Variants in FGF13 observed in about 807,000 individuals in gnomAD.
FGF13 encodes the protein fibroblast growth factor 13, also known as fibroblast growth factor homologous factor 2.
FGF13 carries 2 observed loss-of-function variants against 19.5 expected under a neutral mutation model. That is an observed-to-expected ratio of 0.10 (90% CI 0.04 to 0.32). FGF13 has a LOEUF of 0.32. FGF13 is among the 10% of genes least tolerant of loss of function. The pLI is 1.00. For missense variants in FGF13, 113 were observed against 192.7 expected (o/e 0.59, Z 2.45); for synonymous variants, 72 against 76.9 (o/e 0.94, Z 0.33).
At chrX:139,157,060 G>A (rs1468333347) in intron 1 of FGF13, among the ~76,000 whole-genome samples, 3 of 111,606 alleles carry the variant, frequency 2.7e-5, no homozygotes, top group African/African-American at 9.8e-5. Context: ...GACATTTGCT[G>A]AGCATCTACC....
chrX:138,789,748 T>C (rs1306644630), intron 3 of FGF13, among the ~76,000 whole-genome samples: 1 of 108,888 alleles, frequency 9.2e-6, no homozygotes. Flanking sequence ...GGAGTGGCCT[T>C]AAAAAACAAA....
At chrX:138,950,829 G>C (rs1358878932) in intron 1 of FGF13, among the ~76,000 whole-genome samples, 1 of 110,581 alleles carries the variant, frequency 9.0e-6, no homozygotes, top group East Asian at 2.9e-4. Context: ...CTTCTTAATG[G>C]GTCATCTCTA....
At chrX:138,633,017 C>T in intron 4 of FGF13, 31 bp from the exon 5 acceptor site, 1 of 1,188,114 alleles carries the variant, frequency 8.4e-7, no homozygotes, top group East Asian at 3.0e-5. Context: ...GTGTAAAAGG[C>T]CTTCAAATGG....
At chrX:138,974,900 CT>C (rs1207929814) in intron 1 of FGF13, among the ~76,000 whole-genome samples, 1 of 112,362 alleles carries the variant, frequency 8.9e-6, no homozygotes, top group Non-Finnish European at 1.9e-5. Flanking sequence ...CAATCAAGTG[CT>C]GTAATTACAG....
intron 1 of FGF13, among the ~76,000 whole-genome samples, chrX:139,053,970 T>G (rs2092311480): frequency 9.0e-6 from 1 of 110,653 alleles, no homozygotes; most frequent in Non-Finnish European, 1.9e-5. Flanking sequence ...TTCTCCTACA[T>G]GTGGCCAGCC....
chrX:138,991,414 C>G (rs2092015260), intron 1 of FGF13, among the ~76,000 whole-genome samples: 1 of 112,085 alleles, frequency 8.9e-6, no homozygotes, highest in Non-Finnish European at 1.9e-5. Context: ...GGTCAGGACC[C>G]TTTTCTTCCA....
intron 3 of FGF13, among the ~76,000 whole-genome samples, chrX:138,679,944 C>T (rs1000550551): frequency 6.2e-5 from 7 of 112,282 alleles, no homozygotes; most frequent in African/African-American, 2.3e-4. Flanking sequence ...TCCTCTCAAA[C>T]CCTGTATATG....
intron 1 of FGF13, among the ~76,000 whole-genome samples, chrX:138,929,926 T>A (rs1001724620): frequency 9.2e-6 from 1 of 109,251 alleles, no homozygotes; most frequent in African/African-American, 3.3e-5. Flanking sequence ...GATTATAAAA[T>A]CTTGGAAGGA....
intron 1 of FGF13, among the ~76,000 whole-genome samples, chrX:139,063,874 T>G (rs995317578): frequency 9.0e-6 from 1 of 111,656 alleles, no homozygotes; most frequent in African/African-American, 3.3e-5. Context: ...AACCATTTTG[T>G]TATTCAAATC....
rs749026690 is a variant in FGF13 at position 138,799,037 on chromosome X, G to A, written c.217+58475C>T. 2.1e-3 allele frequency among the ~76,000 whole-genome samples: 232 copies of A among 111,454 alleles called. 1 individual carries two copies. The highest frequency in any genetic ancestry group is 7.3e-3 in the African/African-American group (225 of 30,657). On this transcript the variant is annotated intron_variant, in intron 3 of 6. Transcript: ENST00000436198. ...CTCCTGGATTCATTGATTTTTGAAG[G>A]GTTTTTTGTGTCTCTATCTCCTTCA...
chrX:139,149,834 A>G (rs958272738), intron 1 of FGF13, among the ~76,000 whole-genome samples: 1 of 112,018 alleles, frequency 8.9e-6, no homozygotes. Flanking sequence ...TATGATACTA[A>G]TCACTTGCTT....
intron 1 of FGF13, among the ~76,000 whole-genome samples, chrX:138,913,597 G>C (rs186089732): frequency 3.0e-4 from 30 of 101,123 alleles, no homozygotes; most frequent in Non-Finnish European, 5.7e-4. Context: ...GAAGAGAAGA[G>C]AAGAAAAAGA....
chrX:138,710,222 G>C (rs2090029323), intron 1 of FGF13, among the ~76,000 whole-genome samples: 1 of 109,857 alleles, frequency 9.1e-6, no homozygotes, highest in Non-Finnish European at 1.9e-5. Flanking sequence ...AAATCTCTCA[G>C]CTCTTTGCAA....
intron 1 of FGF13, among the ~76,000 whole-genome samples, chrX:139,144,329 A>T (rs2083869765): frequency 9.5e-6 from 1 of 105,335 alleles, no homozygotes; most frequent in Non-Finnish European, 1.9e-5. Flanking sequence ...GAAACCCTGG[A>T]GACAAGAAGT....
In FGF13 at chrX:138,952,354, C is replaced by A. The variant is rs761080798; in HGVS notation, c.-112-87704G>T. Reference sequence around the variant, plus strand: ...ATGATTCCCTATTTAATAAATGGTGCTGGGAAAACTGGCTAGCATATATAG... The same window carrying A: ...ATGATTCCCTATTTAATAAATGGTGATGGGAAAACTGGCTAGCATATATAG... On this transcript the variant is annotated intron_variant, in intron 1 of 2. Transcript: ENST00000421460. Among the ~76,000 whole-genome samples the A allele has an allele frequency of 4.5e-5, 5 of 111,925 alleles. No individual in the cohort carries two copies. In the South Asian group the frequency reaches 1.9e-3, roughly 42 times the overall value.
rs145170524 is a variant in FGF13, at chrX:139,042,915, C to T, written c.-113+160501G>A. Among the ~76,000 whole-genome samples, 659 of 111,225 alleles carry T rather than the reference C, an allele frequency of 5.9e-3. 3 individuals are homozygous for T. The highest frequency in any genetic ancestry group is 0.014 in the Middle Eastern group (3 of 216). Reference sequence around the variant, plus strand: ...TTTAGAATCTGAGCTTATGGAGGACCGAAAATTTTCCTTGTTTCTGGATCC... The same window carrying T: ...TTTAGAATCTGAGCTTATGGAGGACTGAAAATTTTCCTTGTTTCTGGATCC... On this transcript the variant is annotated intron_variant, in intron 1 of 2. Transcript: ENST00000421460.
chrX:139,025,212 G>A (rs2092196441), intron 1 of FGF13, among the ~76,000 whole-genome samples: 1 of 111,889 alleles, frequency 8.9e-6, no homozygotes, highest in Non-Finnish European at 1.9e-5. Flanking sequence ...CACAGCAAGA[G>A]AAAGACATGC....
Position 138,753,422 on chromosome X carries a change from T to C in FGF13, c.218-44494A>G, listed in dbSNP as rs192922668. Among the ~76,000 whole-genome samples the C allele has an allele frequency of 5.6e-4, 63 of 112,546 alleles. No individual in the cohort carries two copies. The Middle Eastern group carries it at 0.023, about 41-fold the overall frequency. On this transcript the variant is annotated intron_variant, in intron 3 of 6. Transcript: ENST00000436198. ...AAGTGGTTTCCCATTTTCATGGCTA[T>C]GAGCTACACTTTGGATTTTTAGCGT...
intron 1 of FGF13, among the ~76,000 whole-genome samples, chrX:138,966,801 C>G (rs1317017965): frequency 1.8e-5 from 2 of 111,269 alleles, no homozygotes; most frequent in Non-Finnish European, 3.8e-5. Flanking sequence ...CCAAATCTCA[C>G]CTTGAATTGT....
Sources: gnomAD v4.1 joint callset for allele counts (sites outside exome capture counted in the v4.1 genomes callset) on GRCh38, gnomAD v4.1.1 for gene constraint, MANE v1.5 for transcripts, NCBI Gene and HGNC (gene_info 2026-07-23, HGNC 2026-07-21) for gene names.